EXOC4: variants seen among roughly 807,000 people sequenced by gnomAD.
EXOC4 encodes the protein SEC8-like 1.
EXOC4 carries 71 observed loss-of-function variants against 107.2 expected under a neutral mutation model. The observed-to-expected ratio is 0.66, with a 90% CI of 0.55 to 0.81. The LOEUF (loss-of-function observed/expected upper bound fraction) is 0.81, where lower values mean the gene tolerates loss of function less well. Ranked by LOEUF, EXOC4 falls within the 30% of genes least tolerant of loss-of-function variation. The pLI is 0.00. For synonymous variants in EXOC4, 456 were observed against 441.2 expected (o/e 1.03, Z -0.42); for missense variants, 1,108 against 1,189.6 (o/e 0.93, Z 1.01).
At chr7:133,771,391 T>C (rs1562990601) in intron 10 of EXOC4, 3 of 151,974 alleles carry the variant, frequency 2.0e-5, no homozygotes, top group Admixed American at 6.6e-5. Context: ...CTTTCTGTGT[T>C]GATTCAGGCC....
the EXOC4 span, among the ~76,000 whole-genome samples, chr7:134,076,663 A>G: frequency 1.3e-5 from 2 of 150,746 alleles, no homozygotes; most frequent in Admixed American, 1.3e-4. Flanking sequence ...CAAAAAATAT[A>G]TAAATATATA....
At chr7:133,922,271 A>G (rs941111207) in intron 13 of EXOC4, among the ~76,000 whole-genome samples, 1 of 152,236 alleles carries the variant, frequency 6.6e-6, no homozygotes, top group Non-Finnish European at 1.5e-5. Flanking sequence ...TTTAGCAATA[A>G]GAACATAGCA....
intron 17 of EXOC4, among the ~76,000 whole-genome samples, chr7:134,016,513 T>G (rs1794912084): frequency 6.6e-6 from 1 of 152,210 alleles, no homozygotes; most frequent in Non-Finnish European, 1.5e-5. Flanking sequence ...GCATCCTTCT[T>G]CCCAATAAAT....
At chr7:133,826,545 A>G (rs143343419) in intron 11 of EXOC4, among the ~76,000 whole-genome samples, 21 of 152,276 alleles carry the variant, frequency 1.4e-4, no homozygotes, top group Non-Finnish European at 1.9e-4. Flanking sequence ...GAGAAGTACT[A>G]TGGTATCATG....
chr7:133,913,414 C>T lies in EXOC4; in HGVS notation c.1872-4169C>T, dbSNP rs1272643579. ...CAACTGATGGTCTTGTAGCTGCAGG[C>T]GAGAAGCCCAGTTACAAGGTTATTG... is the stretch of plus-strand genomic sequence containing the variant. On this transcript the variant is annotated intron_variant, in intron 12 of 17. Transcript: ENST00000253861. 3.3e-5 allele frequency among the ~76,000 whole-genome samples: 5 copies of T among 151,984 alleles called. No homozygotes were observed. In the South Asian group the frequency reaches 6.2e-4, roughly 19 times the overall value.
intron 7 of EXOC4, among the ~76,000 whole-genome samples, chr7:133,413,185 TGTTGA>T (rs1250208849): frequency 2.0e-5 from 3 of 152,182 alleles, no homozygotes; most frequent in Non-Finnish European, 4.4e-5. Context: ...TGATTTCTTC[TGTTGA>T]GTTCAGTGAT....
intron 10 of EXOC4, among the ~76,000 whole-genome samples, chr7:133,775,075 A>T (rs894147522): frequency 6.6e-6 from 1 of 152,120 alleles, no homozygotes; most frequent in African/African-American, 2.4e-5. Context: ...ATGGAGCTAT[A>T]ATTATGGCAG....
intron 2 of EXOC4, among the ~76,000 whole-genome samples, chr7:133,278,080 T>C (rs1435967173): frequency 6.6e-6 from 1 of 152,146 alleles, no homozygotes; most frequent in Non-Finnish European, 1.5e-5. Context: ...ATCTGTTGAG[T>C]GCCCGCTATG....
At chr7:134,079,606 C>T in the EXOC4 span, among the ~76,000 whole-genome samples, 1 of 152,220 alleles carries the variant, frequency 6.6e-6, no homozygotes, top group Non-Finnish European at 1.5e-5. Flanking sequence ...GAAGGAGGTG[C>T]CTGAGTCTGG....
At chr7:133,612,225 T>G (rs1156312741) in intron 9 of EXOC4, among the ~76,000 whole-genome samples, 1 of 152,220 alleles carries the variant, frequency 6.6e-6, no homozygotes, top group African/African-American at 2.4e-5. Flanking sequence ...TTAGTGGGCA[T>G]TTAGTGAGCA....
chr7:133,885,745 GCA>G (rs1301426144), intron 11 of EXOC4, among the ~76,000 whole-genome samples: 3 of 152,184 alleles, frequency 2.0e-5, no homozygotes, highest in Non-Finnish European at 1.5e-5. Context: ...AGGCACAAAG[GCA>G]CAGAGGCAGA....
At chr7:133,491,373 T>C (rs1799368907) in intron 9 of EXOC4, among the ~76,000 whole-genome samples, 1 of 152,194 alleles carries the variant, frequency 6.6e-6, no homozygotes, top group Non-Finnish European at 1.5e-5. Context: ...GCTAACTCAT[T>C]TACATATCCT....
chr7:134,028,577 G>T (rs1052080156), intron 17 of EXOC4, among the ~76,000 whole-genome samples: 3 of 152,210 alleles, frequency 2.0e-5, no homozygotes, highest in Non-Finnish European at 2.9e-5. Flanking sequence ...GCAGTGTGGA[G>T]GGTGGCTGGA....
Position 133,826,775 on chromosome 7 carries a change from G to C in EXOC4, c.1734+9231G>C, listed in dbSNP as rs369026253. 2.6e-5 allele frequency among the ~76,000 whole-genome samples: 4 copies of C among 152,134 alleles called. No individual in the cohort carries two copies. In the East Asian group the frequency reaches 7.7e-4, roughly 29 times the overall value. ...TGTTTCATATATGATTAGACAACCA[G>C]TATAAGAACCTGGCAATATTTTTTC... On this transcript the variant is annotated intron_variant, in intron 11 of 17. Coordinates refer to ENST00000253861, the MANE Select transcript of EXOC4 (RefSeq NM_021807.4).
intron 9 of EXOC4, among the ~76,000 whole-genome samples, chr7:133,570,882 TTTAA>T (rs892273560): frequency 6.6e-6 from 1 of 152,218 alleles, no homozygotes; most frequent in Admixed American, 6.5e-5. Context: ...ATGAGCCAGC[TTTAA>T]TTAGGCATTT....
the EXOC4 span, among the ~76,000 whole-genome samples, chr7:134,095,313 A>G: frequency 6.6e-6 from 1 of 152,288 alleles, no homozygotes; most frequent in East Asian, 1.9e-4. Context: ...CAAAAAAGAA[A>G]TCATAGATGG....
chr7:133,552,011 C>T (rs899240536), intron 9 of EXOC4, among the ~76,000 whole-genome samples: 2 of 151,972 alleles, frequency 1.3e-5, no homozygotes, highest in African/African-American at 2.4e-5. Context: ...TCATTTTGGA[C>T]ATTTTTAAAA....
intron 11 of EXOC4, among the ~76,000 whole-genome samples, chr7:133,842,442 T>G (rs1352318955): frequency 6.6e-6 from 1 of 152,238 alleles, no homozygotes; most frequent in Non-Finnish European, 1.5e-5. Context: ...GCCACATGTA[T>G]GTGTACTTTC....
intron 10 of EXOC4, among the ~76,000 whole-genome samples, chr7:133,634,036 C>G (rs1322803165): frequency 1.3e-5 from 2 of 152,178 alleles, no homozygotes; most frequent in Non-Finnish European, 2.9e-5. Flanking sequence ...TAGCGGGTTT[C>G]TATATTGACA....
Sources: allele counts gnomAD v4.1 joint callset (sites outside exome capture counted in the v4.1 genomes callset), GRCh38; gene constraint gnomAD v4.1.1; transcripts MANE v1.5; gene names NCBI Gene and HGNC (gene_info 2026-07-23, HGNC 2026-07-21).